FHDC1: variants seen among roughly 807,000 people sequenced by gnomAD.
FHDC1 encodes FH2 domain-containing protein 1.
FHDC1 carries 25 observed loss-of-function variants against 52.6 expected under a neutral mutation model. That is an observed-to-expected ratio of 0.48 (90% CI 0.35 to 0.66). The LOEUF is 0.66. Ranked by LOEUF, FHDC1 falls within the 30% of genes least tolerant of loss-of-function variation. The pLI is 0.01. For missense variants in FHDC1, 1,459 were observed against 1,452.8 expected, an observed-to-expected ratio of 1.00 and a Z score of -0.07; for synonymous variants, 616 against 581.5, an observed-to-expected ratio of 1.06 and a Z score of -0.85.
At chr4:152,950,326 T>C (rs527689894) in intron 2 of FHDC1, among the ~76,000 whole-genome samples, 99 of 152,224 alleles carry the variant, frequency 6.5e-4, no homozygotes, top group African/African-American at 2.2e-3. Flanking sequence ...TTTGGAAGGA[T>C]CGAATGCGAT....
In FHDC1 at chr4:152,975,290, G is replaced by A. The variant is rs150348719; in HGVS notation, c.1999G>A (p.Ala667Thr). 6.2e-7 allele frequency: 1 copy of A among 1,613,658 alleles called. No homozygotes were observed. Among genetic ancestry groups the A allele is most frequent in the Non-Finnish European group, 8.5e-7 (1 of 1,180,046 alleles). Residue 667 changes from alanine to threonine, a missense_variant, in exon 12 of 12, where the codon GCT becomes ACT. This residue lies in a region of FHDC1 where 939 missense variants were observed against 854.5 expected (regional missense o/e 1.10). Coordinates refer to ENST00000511601, the MANE Select transcript of FHDC1 (RefSeq NM_001371116.1). ...ACAGTCCCCTCCTCTCTCGCCATTG[G>A]CTCTGGGAATTAAGGAGCATGAGCT... Reference protein sequence around the residue: ...SAQSPPLSPLALGIKEHELVT... With the variant: ...SAQSPPLSPLTLGIKEHELVT...
chr4:152,970,493 T>C (rs901017340), intron 10 of FHDC1, among the ~76,000 whole-genome samples: 3 of 152,224 alleles, frequency 2.0e-5, no homozygotes, highest in Non-Finnish European at 4.4e-5. Flanking sequence ...CCTGGTACTC[T>C]GTCAATCCCC....
Position 152,976,495 on chromosome 4 carries a change from G to T in FHDC1, c.3204G>T (p.Gln1068His). ...PGITRTVSQR[Q>H]LRVKGDPEDA... Reference sequence around the variant, plus strand: ...TCACTCGGACAGTGTCGCAGCGGCAGCTGAGGGTGAAAGGGGACCCCGAGG... The same window carrying T: ...TCACTCGGACAGTGTCGCAGCGGCATCTGAGGGTGAAAGGGGACCCCGAGG... The change falls in exon 12 of 12, where the codon CAG becomes CAT. Residue 1068 changes from glutamine (Q) to histidine (H), a missense_variant. Coordinates refer to ENST00000511601, the MANE Select transcript of FHDC1 (RefSeq NM_001371116.1). The T allele has an allele frequency of 1.9e-6, 3 of 1,613,498 alleles. No homozygotes were observed. The highest frequency in any genetic ancestry group is 2.5e-6 in the Non-Finnish European group (3 of 1,180,026).
the FHDC1 span, among the ~76,000 whole-genome samples, chr4:152,922,444 A>G: frequency 6.6e-6 from 1 of 152,186 alleles, no homozygotes; most frequent in South Asian, 2.1e-4. Flanking sequence ...AGGAACTGGT[A>G]CCATTCCTTC....
chr4:152,918,431 C>T, the FHDC1 span: 2 of 152,222 alleles, frequency 1.3e-5, no homozygotes, highest in Non-Finnish European at 2.9e-5. Context: ...GTACACCTAG[C>T]TTATGGAAAC....
At chr4:152,928,286 C>T in the FHDC1 span, 2 of 581,430 alleles carry the variant, frequency 3.4e-6, no homozygotes, top group Admixed American at 3.0e-5. Flanking sequence ...GCATTATGTC[C>T]CTCAAAAAAA....
the FHDC1 span, among the ~76,000 whole-genome samples, chr4:152,912,713 T>C: frequency 6.6e-6 from 1 of 152,268 alleles, no homozygotes; most frequent in South Asian, 2.1e-4. Context: ...ATGCTGGGTG[T>C]GAGAGCAGGG....
chr4:152,962,979 G>GTGTGTGTATGTA, intron 7 of FHDC1, 44 bp from the exon 8 acceptor site: 1 of 1,445,634 alleles, frequency 6.9e-7, no homozygotes, highest in Non-Finnish European at 9.6e-7. Flanking sequence ...GTGTGTGTGT[G>GTGTGTGTATGTA]TGTATGTATA....
In FHDC1 at chr4:152,943,353, GCTTT is replaced by G; in HGVS notation, c.297_300del (p.Phe101GlyfsTer55). On this transcript the variant is annotated frameshift_variant, in exon 2 of 12. Coordinates refer to ENST00000511601, the MANE Select transcript of FHDC1 (RefSeq NM_001371116.1). LOFTEE classifies it high-confidence loss of function. Reference sequence around the variant, plus strand: ...CTTGGTAAGAAAAAGCGGATGAGAAGCTTTTTTTGGAAAACTATTCCGGAGGAGC... The same window carrying G: ...CTTGGTAAGAAAAAGCGGATGAGAAGTTTTGGAAAACTATTCCGGAGGAGC... 3.7e-6 allele frequency: 6 copies of G among 1,608,036 alleles called. No homozygotes were observed. Among genetic ancestry groups the G allele is most frequent in the African/African-American group, 1.4e-5 (1 of 73,462 alleles).
rs1324885579 is a variant in FHDC1 at position 152,968,041 on chromosome 4, A to G, written c.1162A>G (p.Lys388Glu). The G allele has an allele frequency of 1.9e-6, 3 of 1,613,866 alleles. No individual in the cohort carries two copies. Among genetic ancestry groups the G allele is most frequent in the Non-Finnish European group, 1.7e-6 (2 of 1,179,962 alleles). ...HLLFVRTKSL[K>E]ENIQRDGELC... ...GCTGTTTGTCAGGACAAAATCACTA[A>G]AAGAAAACATCCAGCGGGATGGTGA... is the stretch of plus-strand genomic sequence containing the variant. The change falls in exon 10 of 12, where the codon AAA becomes GAA. Residue 388 changes from lysine to glutamate, a missense_variant. By Grantham distance (56) the Lys-to-Glu change is moderately conservative. Around this residue, in one of 3 missense-constraint regions of FHDC1, gnomAD observed 513 missense variants for 581.5 expected, o/e 0.88. Coordinates refer to ENST00000511601, the MANE Select transcript of FHDC1 (RefSeq NM_001371116.1).
chr4:152,946,718 G>C (rs1464355009), intron 2 of FHDC1, among the ~76,000 whole-genome samples: 1 of 152,174 alleles, frequency 6.6e-6, no homozygotes, highest in African/African-American at 2.4e-5. Flanking sequence ...AGTTCTGGAG[G>C]TTCAGACTTG....
In FHDC1 at chr4:152,975,225, T is replaced by A; in HGVS notation, c.1934T>A (p.Leu645His). The A allele has an allele frequency of 6.2e-7, 1 of 1,613,256 alleles. No individual in the cohort carries two copies. Among genetic ancestry groups the A allele is most frequent in the Non-Finnish European group, 8.5e-7 (1 of 1,180,000 alleles). The change falls in exon 12 of 12, where the codon CTC becomes CAC. Residue 645 changes from leucine (L) to histidine (H), a missense_variant. Physicochemically the swap from Leu to His is moderately conservative, Grantham distance 99 (BLOSUM62 -3). Coordinates refer to ENST00000511601, the MANE Select transcript of FHDC1 (RefSeq NM_001371116.1). The stretch of plus-strand genomic sequence containing the variant: ...GCTCGGCGCCAGGGCGTCAGTGTCC[T>A]CCGAAAGAGGTACAGTGAGCCGGTG... ...PRARRQGVSV[L>H]RKRYSEPVSL...
At chr4:152,928,815 C>T in the FHDC1 span, among the ~76,000 whole-genome samples, 2 of 151,904 alleles carry the variant, frequency 1.3e-5, no homozygotes, top group East Asian at 1.9e-4. Context: ...GAAAGCTTTC[C>T]GTATCCTTGG....
At chr4:152,938,873 G>C (rs1739494248) in intron 1 of FHDC1, among the ~76,000 whole-genome samples, 1 of 151,920 alleles carries the variant, frequency 6.6e-6, no homozygotes, top group African/African-American at 2.4e-5. Context: ...AGGACCGCTG[G>C]TGCAGAACCA....
At chr4:152,917,391 TGA>T in the FHDC1 span, among the ~76,000 whole-genome samples, 2 of 152,190 alleles carry the variant, frequency 1.3e-5, no homozygotes, top group African/African-American at 4.8e-5. Flanking sequence ...ATATATTTTG[TGA>T]GATGGCCACG....
At chr4:152,931,731 T>C (rs1267993042), upstream of FHDC1, among the ~76,000 whole-genome samples, 2 of 152,008 alleles carry the variant, frequency 1.3e-5, no homozygotes, top group Non-Finnish European at 2.9e-5. Flanking sequence ...TAACATCACA[T>C]GTGGAAGCAT....
chr4:152,950,466 C>A (rs1189937994), intron 2 of FHDC1, among the ~76,000 whole-genome samples: 1 of 152,162 alleles, frequency 6.6e-6, no homozygotes, highest in Non-Finnish European at 1.5e-5. Flanking sequence ...CTCTGTTTTT[C>A]CTGTAAGGTG....
chr4:152,946,610 G>C (rs1739741764), intron 2 of FHDC1, among the ~76,000 whole-genome samples: 2 of 152,266 alleles, frequency 1.3e-5, no homozygotes, highest in South Asian at 2.1e-4. Flanking sequence ...CCTACCATCT[G>C]TTTGTGTGGA....
chr4:152,965,130 A>C (rs892543878), intron 9 of FHDC1, among the ~76,000 whole-genome samples, 155 bp downstream of exon 9: 1 of 152,174 alleles, frequency 6.6e-6, no homozygotes, highest in Non-Finnish European at 1.5e-5. Context: ...GTGTGTGTGC[A>C]CCTTTGGAAT....
Sources: gnomAD v4.1 joint callset for allele counts (sites outside exome capture counted in the v4.1 genomes callset) on GRCh38, gnomAD v4.1.1 for gene constraint, gnomAD v4.1.1 regional missense constraint, MANE v1.5 for transcripts, NCBI Gene and HGNC (gene_info 2026-07-23, HGNC 2026-07-21) for gene names.